TRIO: variants seen among roughly 807,000 people sequenced by gnomAD.
The protein encoded by TRIO is triple functional domain protein.
Under a neutral mutation model 351.9 loss-of-function variants are expected in TRIO, and 58 were observed. The ratio of observed to expected loss-of-function variants is 0.16; its 90% CI spans 0.13 to 0.21. TRIO has a LOEUF of 0.21. Among genes scored for constraint, TRIO ranks in the 10% least tolerant of loss-of-function variants. The pLI, the probability that TRIO is intolerant of heterozygous loss-of-function variation, is 1.00. For synonymous variants in TRIO, 1,758 were observed against 1,595.7 expected, an observed-to-expected ratio of 1.10 and a Z score of -2.42; for missense variants, 3,201 against 4,027.8, an observed-to-expected ratio of 0.79 and a Z score of 5.56.
intron 1 of TRIO, among the ~76,000 whole-genome samples, chr5:14,175,818 G>A (rs959871599): frequency 2.7e-4 from 41 of 152,172 alleles, no homozygotes; most frequent in South Asian, 6.2e-4. Context: ...GAAAATAGAC[G>A]GGATACCTAG....
chr5:14,398,780 G>A, intron 29 of TRIO, 100 bp from the exon 30 acceptor site: 2 of 1,163,666 alleles, frequency 1.7e-6, no homozygotes, highest in Non-Finnish European at 2.4e-6. Context: ...GTTGGCCGAT[G>A]GGCATTTTTA....
intron 23 of TRIO, chr5:14,388,096 T>TGG: frequency 2.0e-6 from 1 of 512,800 alleles, no homozygotes. Flanking sequence ...TTGTCATTAA[T>TGG]AGATAGTGAC....
rs746065357 is a variant in TRIO, at chr5:14,398,892, A to T, written c.4436A>T (p.Asn1479Ile). 3.7e-6 allele frequency: 6 copies of T among 1,612,092 alleles called. No individual in the cohort carries two copies. The South Asian group carries it at 6.6e-5, about 18-fold the overall frequency. ...TTTCATGTTGTAGGGTTTGATGAAAACATTGAGTCTCAGGGAGAACTCATC... is the reference window on the plus strand; with the variant it reads ...TTTCATGTTGTAGGGTTTGATGAAATCATTGAGTCTCAGGGAGAACTCATC... ...HLSMLEGFDE[N>I]IESQGELILQ... The change falls in exon 30 of 57, where the codon AAC (asparagine) becomes ATC (isoleucine). Residue 1479 changes from asparagine (N) to isoleucine (I), a missense_variant. Physicochemically the swap from Asn to Ile is moderately radical, Grantham distance 149. This residue lies in a region of TRIO where 115 missense variants were observed against 239.6 expected (regional missense o/e 0.48). Transcript: ENST00000344204.
intron 53 of TRIO, among the ~76,000 whole-genome samples, chr5:14,501,115 G>A (rs922351373): frequency 1.3e-5 from 2 of 151,134 alleles, no homozygotes; most frequent in South Asian, 2.1e-4. Context: ...GTTAAAAAAA[G>A]AAGAAAAAAT....
At chr5:14,400,914 C>G (rs751407404) in intron 30 of TRIO, 49 bp from the exon 31 acceptor site, 4 of 1,573,152 alleles carry the variant, frequency 2.5e-6, no homozygotes, top group Non-Finnish European at 3.5e-6. Context: ...GTTCTGCATC[C>G]TTCTAGAATT....
intron 34 of TRIO, among the ~76,000 whole-genome samples, chr5:14,432,105 G>A (rs995472655): frequency 3.9e-5 from 6 of 152,212 alleles, no homozygotes; most frequent in Non-Finnish European, 5.9e-5. Context: ...AGTAGTAACA[G>A]AGAGCATGGG....
At chr5:14,155,625 C>G (rs759034005) in intron 1 of TRIO, among the ~76,000 whole-genome samples, 1 of 152,204 alleles carries the variant, frequency 6.6e-6, no homozygotes, top group Non-Finnish European at 1.5e-5. Flanking sequence ...ATTTTAAAGA[C>G]TACCTCCCAG....
In TRIO at chr5:14,381,222, A is replaced by G. The variant is rs765952624; in HGVS notation, c.3540A>G (p.Lys1180=). The change falls in exon 21 of 57, where the codon AAA becomes AAG. Residue 1180 remains lysine (K), a synonymous_variant. Coordinates refer to ENST00000344204, the MANE Select transcript of TRIO (RefSeq NM_007118.4). Reference sequence around the variant, plus strand: ...TACAGCACACCCAGGAGCTCCTGAAAGAGCACGAGGAGTTCCAGATAACTG... The same window carrying G: ...TACAGCACACCCAGGAGCTCCTGAAGGAGCACGAGGAGTTCCAGATAACTG... ...SSIQHTQELL[K]EHEEFQITAK... 1.2e-6 allele frequency: 2 copies of G among 1,613,756 alleles called. No individual in the cohort carries two copies. The highest frequency in any genetic ancestry group is 2.2e-5 in the East Asian group (1 of 44,884).
chr5:14,498,280 C>T lies in TRIO; in HGVS notation c.8210+29C>T, dbSNP rs377449869. 1.4e-4 allele frequency: 232 copies of T among 1,605,664 alleles called. 1 individual carries two copies. The highest frequency in any genetic ancestry group is 5.4e-4 in the East Asian group (24 of 44,648). ...AGGGAGGCCCACTCCTGGTGGGTTTCGCTGGCTGGGAGCACCATCTTGTCA... is the reference window on the plus strand; with the variant it reads ...AGGGAGGCCCACTCCTGGTGGGTTTTGCTGGCTGGGAGCACCATCTTGTCA... On this transcript the variant is annotated intron_variant, in intron 52 of 56. Coordinates refer to ENST00000344204, the MANE Select transcript of TRIO (RefSeq NM_007118.4).
chr5:14,386,218 G>T (rs1746527283), intron 21 of TRIO, among the ~76,000 whole-genome samples: 1 of 152,164 alleles, frequency 6.6e-6, no homozygotes, highest in Admixed American at 6.5e-5. Flanking sequence ...AGGGATATCT[G>T]GGGGAGTGGC....
At chr5:14,333,450 A>C (rs962707178) in intron 10 of TRIO, among the ~76,000 whole-genome samples, 1 of 152,142 alleles carries the variant, frequency 6.6e-6, no homozygotes, top group African/African-American at 2.4e-5. Context: ...GGGGCTTTTA[A>C]TTTGCACTGT....
chr5:14,436,253 C>T (rs1478292406), intron 34 of TRIO, among the ~76,000 whole-genome samples: 3 of 152,134 alleles, frequency 2.0e-5, no homozygotes, highest in African/African-American at 7.2e-5. Flanking sequence ...GCAGGCAAAG[C>T]AAGAGAGAGC....
chr5:14,479,481 G>A (rs745712357), intron 42 of TRIO, 131 bp downstream of exon 42: 8 of 723,386 alleles, frequency 1.1e-5, no homozygotes, highest in Non-Finnish European at 1.8e-5. Flanking sequence ...TAAGACTTCT[G>A]AACCTTTCTT....
At chr5:14,252,251 C>T (rs1181439245) in intron 1 of TRIO, among the ~76,000 whole-genome samples, 1 of 152,190 alleles carries the variant, frequency 6.6e-6, no homozygotes, top group East Asian at 1.9e-4. Context: ...GTTGCTTTTC[C>T]TTCCTGATAA....
intron 1 of TRIO, among the ~76,000 whole-genome samples, chr5:14,148,860 G>A (rs190275206): frequency 4.6e-5 from 7 of 152,288 alleles, no homozygotes; most frequent in Admixed American, 2.6e-4. Context: ...TTAATTAATG[G>A]GCTGCAGGGA....
At chr5:14,373,973 G>T (rs186447554) in intron 18 of TRIO, among the ~76,000 whole-genome samples, 8 of 152,168 alleles carry the variant, frequency 5.3e-5, no homozygotes, top group Non-Finnish European at 1.5e-5. Context: ...GTAAGCCAGG[G>T]GCTGCCCTCT....
In TRIO at chr5:14,173,348, C is replaced by T. The variant is rs553964465; in HGVS notation, c.157+29466C>T. On this transcript the variant is annotated intron_variant, in intron 1 of 56. Transcript: ENST00000344204. The stretch of plus-strand genomic sequence containing the variant: ...GCCTCAGCCTCCCGAGTAGCTGGGA[C>T]TGCAGGCATGCACCACCATGTCCGG... Among the ~76,000 whole-genome samples the T allele has an allele frequency of 9.2e-5, 14 of 151,878 alleles. No individual in the cohort carries two copies. In the East Asian group the frequency reaches 2.5e-3, roughly 27 times the overall value.
chr5:14,316,582 C>G lies in TRIO; in HGVS notation c.1570C>G (p.Leu524Val). 1.2e-6 allele frequency: 2 copies of G among 1,614,228 alleles called. No individual in the cohort carries two copies. Among genetic ancestry groups the G allele is most frequent in the East Asian group, 4.5e-5 (2 of 44,892 alleles). ...RPLTPGSSDSLTASANYSKAV... is the reference protein window; with the variant it reads ...RPLTPGSSDSVTASANYSKAV... ...CTTGACTCCCGGCAGCTCCGATTCCCTGACAGCCTCTGCCAACTACTCCAA... is the reference window on the plus strand; with the variant it reads ...CTTGACTCCCGGCAGCTCCGATTCCGTGACAGCCTCTGCCAACTACTCCAA... The change falls in exon 9 of 57, where the codon CTG (leucine) becomes GTG (valine). Residue 524 changes from leucine (L) to valine (V), a missense_variant. This residue lies in a region of TRIO where 349 missense variants were observed against 449.3 expected (regional missense o/e 0.78). Coordinates refer to ENST00000344204, the MANE Select transcript of TRIO (RefSeq NM_007118.4).
chr5:14,170,752 G>C (rs1452705198), intron 1 of TRIO, among the ~76,000 whole-genome samples: 1 of 152,052 alleles, frequency 6.6e-6, no homozygotes, highest in Non-Finnish European at 1.5e-5. Context: ...TGATCCTCTC[G>C]CCTTCGCTTC....
Sources: allele counts gnomAD v4.1 joint callset (sites outside exome capture counted in the v4.1 genomes callset), GRCh38; gene constraint gnomAD v4.1.1; regional missense constraint gnomAD v4.1.1; transcripts MANE v1.5; gene names NCBI Gene and HGNC (gene_info 2026-07-23, HGNC 2026-07-21).